Variants in IQGAP2 observed in about 807,000 individuals in gnomAD.
IQGAP2 encodes IQ motif containing GTPase activating protein 2.
Under a neutral mutation model 201.3 loss-of-function variants are expected in IQGAP2, and 173 were observed. That is an observed-to-expected ratio of 0.86 (90% CI 0.76 to 0.98). IQGAP2 has a LOEUF of 0.98. IQGAP2 is among the 50% of genes least tolerant of loss of function. The pLI, the probability that IQGAP2 is intolerant of heterozygous loss-of-function variation, is 0.00. For synonymous variants in IQGAP2, 675 were observed against 673.9 expected (o/e 1.00, Z -0.03); for missense variants, 1,687 against 1,864.8 (o/e 0.90, Z 1.76).
intron 8 of IQGAP2, among the ~76,000 whole-genome samples, chr5:76,592,316 T>A (rs1408072500): frequency 6.6e-6 from 1 of 152,230 alleles, no homozygotes; most frequent in Admixed American, 6.5e-5. Flanking sequence ...AAGCTTTCCA[T>A]CTGTGTAACC....
intron 2 of IQGAP2, among the ~76,000 whole-genome samples, chr5:76,535,010 T>G (rs895305299): frequency 6.6e-6 from 1 of 152,196 alleles, no homozygotes; most frequent in Non-Finnish European, 1.5e-5. Context: ...GAGCGTGGCA[T>G]GTTCTAGAAG....
chr5:76,521,175 T>C (rs914302055), intron 2 of IQGAP2, among the ~76,000 whole-genome samples: 15 of 152,236 alleles, frequency 9.9e-5, no homozygotes, highest in African/African-American at 3.1e-4. Flanking sequence ...GATTTAAGTT[T>C]CTTTTACTGC....
At chr5:76,455,453 CAAA>C (rs59978990) in intron 1 of IQGAP2, among the ~76,000 whole-genome samples, 184 of 81,190 alleles carry the variant, frequency 2.3e-3, no homozygotes, top group African/African-American at 4.6e-3. Flanking sequence ...GACTCTGTCT[CAAA>C]AAAAAAAAAA....
intron 2 of IQGAP2, among the ~76,000 whole-genome samples, chr5:76,513,187 G>A (rs1580358479): frequency 1.3e-5 from 2 of 152,192 alleles, no homozygotes; most frequent in East Asian, 3.8e-4. Context: ...ACCATTTATT[G>A]TGTACTCTTT....
Position 76,630,496 on chromosome 5 carries a change from G to A in IQGAP2, c.1613-1363G>A, listed in dbSNP as rs552810072. ...TTAAGATGAGAGTTGATCCATAAAG[G>A]AATTAGCTTCAGTTATCTGGAAATT... On this transcript the variant is annotated intron_variant, in intron 14 of 35. Coordinates refer to ENST00000274364, the MANE Select transcript of IQGAP2 (RefSeq NM_006633.5). Among the ~76,000 whole-genome samples the A allele has an allele frequency of 1.6e-4, 25 of 152,198 alleles. No homozygotes were observed. In the South Asian group the frequency reaches 5.2e-3, roughly 32 times the overall value.
chr5:76,668,848 T>A lies in IQGAP2; in HGVS notation c.2843+4T>A. ...CTGCTCTGGAGGAAGAAATAAAGTA[T>A]GTATACAAATATGTATGTAAAAATA... On this transcript the variant is annotated splice_donor_region_variant and intron_variant, in intron 23 of 35. Coordinates refer to ENST00000274364, the MANE Select transcript of IQGAP2 (RefSeq NM_006633.5). 1.3e-6 allele frequency: 2 copies of A among 1,562,548 alleles called. No individual in the cohort carries two copies. Among genetic ancestry groups the A allele is most frequent in the Admixed American group, 1.8e-5 (1 of 55,280 alleles).
chr5:76,641,985 A>G (rs931772072), intron 17 of IQGAP2, among the ~76,000 whole-genome samples: 2 of 152,184 alleles, frequency 1.3e-5, no homozygotes, highest in Admixed American at 6.5e-5. Context: ...AGGTGCTTAC[A>G]TATTTAAATT....
At chr5:76,428,445 T>TG (rs1405222765) in intron 1 of IQGAP2, among the ~76,000 whole-genome samples, 2 of 150,814 alleles carry the variant, frequency 1.3e-5, no homozygotes, top group East Asian at 3.9e-4. Flanking sequence ...TTCTTTTTTT[T>TG]TTTTTTTTTG....
At chr5:76,671,033 C>T (rs1451419605) in intron 23 of IQGAP2, among the ~76,000 whole-genome samples, 5 of 152,088 alleles carry the variant, frequency 3.3e-5, no homozygotes, top group African/African-American at 7.2e-5. Flanking sequence ...GAGGCCAAGG[C>T]GGGTAGATCA....
At chr5:76,525,914 T>C (rs1758946420) in intron 2 of IQGAP2, among the ~76,000 whole-genome samples, 2 of 152,206 alleles carry the variant, frequency 1.3e-5, no homozygotes, top group Admixed American at 1.3e-4. Context: ...GGTATTTCTG[T>C]TGGAGACAAG....
At chr5:76,522,071 T>A (rs1758714600) in intron 2 of IQGAP2, among the ~76,000 whole-genome samples, 1 of 152,148 alleles carries the variant, frequency 6.6e-6, no homozygotes, top group Non-Finnish European at 1.5e-5. Context: ...AAACAGAAAC[T>A]TCTCCACTAA....
chr5:76,695,166 C>A (rs571270617), intron 31 of IQGAP2, among the ~76,000 whole-genome samples: 1 of 152,296 alleles, frequency 6.6e-6, no homozygotes, highest in Admixed American at 6.5e-5. Context: ...ATGTGGGGAA[C>A]AAAGTAGCAG....
At chr5:76,484,464 A>G (rs962721560) in intron 2 of IQGAP2, among the ~76,000 whole-genome samples, 4 of 152,092 alleles carry the variant, frequency 2.6e-5, no homozygotes, top group African/African-American at 9.7e-5. Context: ...GTGTTCCCCC[A>G]TCATGTTTTT....
At chr5:76,611,239 G>A (rs1580599459) in intron 13 of IQGAP2, 56 bp downstream of exon 13, 2 of 1,375,636 alleles carry the variant, frequency 1.5e-6, no homozygotes, top group South Asian at 2.7e-5. Flanking sequence ...GGCAGAGGGA[G>A]AGAAGGAGGA....
intron 1 of IQGAP2, among the ~76,000 whole-genome samples, chr5:76,440,709 G>A (rs540377166): frequency 6.6e-6 from 1 of 152,246 alleles, no homozygotes; most frequent in East Asian, 1.9e-4. Context: ...TCTAACCAGA[G>A]ATGGCTTGAG....
intron 2 of IQGAP2, among the ~76,000 whole-genome samples, chr5:76,519,280 C>A (rs569836423): frequency 6.6e-6 from 1 of 152,306 alleles, no homozygotes; most frequent in African/African-American, 2.4e-5. Flanking sequence ...TTTACTTTTT[C>A]CAGAATATCA....
intron 22 of IQGAP2, among the ~76,000 whole-genome samples, chr5:76,666,775 A>G (rs1346740470): frequency 1.3e-5 from 2 of 151,954 alleles, no homozygotes; most frequent in Non-Finnish European, 2.9e-5. Context: ...ACAAGATGTC[A>G]CTCTCCCACC....
intron 2 of IQGAP2, among the ~76,000 whole-genome samples, chr5:76,468,617 C>A (rs1025241480): frequency 1.3e-5 from 2 of 152,194 alleles, no homozygotes; most frequent in African/African-American, 4.8e-5. Context: ...CTCCTTCAAT[C>A]CTTTATCTGT....
At chr5:76,504,213 T>C (rs1757464202) in intron 2 of IQGAP2, among the ~76,000 whole-genome samples, 1 of 152,144 alleles carries the variant, frequency 6.6e-6, no homozygotes, top group South Asian at 2.1e-4. Context: ...GCACCTTGCA[T>C]CTCTTCAGCC....
Sources: allele counts gnomAD v4.1 joint callset (sites outside exome capture counted in the v4.1 genomes callset), GRCh38; gene constraint gnomAD v4.1.1; transcripts MANE v1.5; gene names NCBI Gene and HGNC (gene_info 2026-07-23, HGNC 2026-07-21).